The following FSTL4 variants were observed in gnomAD, a reference collection of about 807,000 sequenced individuals.
The protein encoded by FSTL4 is follistatin like 4, also known as follistatin-related protein 4.
In FSTL4, 28 loss-of-function variants were observed where a neutral mutation model predicts 78.2. That is an observed-to-expected ratio of 0.36 (90% CI 0.27 to 0.49). The LOEUF (loss-of-function observed/expected upper bound fraction) is 0.49, where lower values mean the gene tolerates loss of function less well. FSTL4 is among the 20% of genes least tolerant of loss of function. The pLI is 0.98. For synonymous variants in FSTL4, 422 were observed against 440.5 expected, an observed-to-expected ratio of 0.96 and a Z score of 0.53; for missense variants, 922 against 1,084.9, an observed-to-expected ratio of 0.85 and a Z score of 2.11.
chr5:133,794,780 C>A, the FSTL4 span, among the ~76,000 whole-genome samples: 67 of 152,306 alleles, frequency 4.4e-4, no homozygotes, highest in African/African-American at 1.0e-3. Context: ...CACACCACAA[C>A]CATGTCCTCC....
At position 133,547,443 on chromosome 5, in the gene FSTL4, TG is replaced by T. The variant is rs575463776; in HGVS notation, c.160+19742del. On this transcript the variant is annotated intron_variant, in intron 3 of 15. Coordinates refer to ENST00000265342, the MANE Select transcript of FSTL4 (RefSeq NM_015082.2). ...GCATTGTGAGAAGAACATGAAATTC[TG>T]GGGGGCAGGTGTGAAATGCTATGGT... Among the ~76,000 whole-genome samples, 197 of 152,324 alleles carry T rather than the reference TG, an allele frequency of 1.3e-3. 1 individual carries two copies. Among genetic ancestry groups the T allele is most frequent in the African/African-American group, 4.4e-3 (183 of 41,566 alleles).
At chr5:133,709,209 C>T in the FSTL4 span, among the ~76,000 whole-genome samples, 56 of 152,258 alleles carry the variant, frequency 3.7e-4, 1 homozygote, top group Admixed American at 1.1e-3. Flanking sequence ...TTAGAAGGAA[C>T]TAAGAAGATG....
intron 3 of FSTL4, 25 bp from the exon 4 acceptor site, chr5:133,401,011 G>T: frequency 6.2e-7 from 1 of 1,611,848 alleles, no homozygotes. Context: ...AACACAGAGG[G>T]TCAGCTGTAA....
the FSTL4 span, among the ~76,000 whole-genome samples, chr5:133,779,863 G>T: frequency 6.6e-6 from 1 of 152,190 alleles, no homozygotes; most frequent in Non-Finnish European, 1.5e-5. Flanking sequence ...CCTGAGAGGA[G>T]GGGTTCATGT....
At chr5:133,802,548 G>T in the FSTL4 span, among the ~76,000 whole-genome samples, 1 of 152,210 alleles carries the variant, frequency 6.6e-6, no homozygotes, top group Non-Finnish European at 1.5e-5. Context: ...AGCCTTACCA[G>T]AGCTGGGAAA....
chr5:133,409,637 G>T (rs554450279), intron 3 of FSTL4, among the ~76,000 whole-genome samples: 2 of 152,368 alleles, frequency 1.3e-5, no homozygotes, highest in East Asian at 3.9e-4. Flanking sequence ...GCATCAGGCA[G>T]TGTCTGTGGT....
At chr5:133,604,082 AG>A in intron 1 of FSTL4, 89 bp from the exon 2 acceptor site, 3 of 951,644 alleles carry the variant, frequency 3.2e-6, no homozygotes, top group Non-Finnish European at 5.0e-6. Flanking sequence ...CCCCAGAATC[AG>A]ATAAGCCTGG....
chr5:133,372,456 G>A (rs1346261727), intron 4 of FSTL4, among the ~76,000 whole-genome samples: 1 of 152,078 alleles, frequency 6.6e-6, no homozygotes, highest in African/African-American at 2.4e-5. Context: ...CTGGGTCATG[G>A]CCCAAGGCTC....
the FSTL4 span, among the ~76,000 whole-genome samples, chr5:133,620,324 G>A: frequency 6.6e-6 from 1 of 152,186 alleles, no homozygotes; most frequent in African/African-American, 2.4e-5. Flanking sequence ...TGTGGGTGTG[G>A]ATACAGCCTT....
intron 6 of FSTL4, among the ~76,000 whole-genome samples, chr5:133,279,322 G>A (rs1752960059): frequency 6.6e-6 from 1 of 152,188 alleles, no homozygotes; most frequent in South Asian, 2.1e-4. Context: ...GGGGGATTTA[G>A]GTAATGTGCT....
At chr5:133,625,775 T>TATATATTCC in the FSTL4 span, among the ~76,000 whole-genome samples, 1 of 37,608 alleles carries the variant, frequency 2.7e-5, no homozygotes, top group Non-Finnish European at 4.3e-5. Context: ...ATATTCCATA[T>TATATATTCC]ATATATATTC....
At chr5:133,312,798 C>A (rs370478108) in intron 5 of FSTL4, 21 bp from the exon 6 acceptor site, 38 of 1,613,430 alleles carry the variant, frequency 2.4e-5, no homozygotes, top group Non-Finnish European at 3.1e-5. Context: ...AGGAGGAGAA[C>A]AAGGCCAGAA....
chr5:133,643,844 C>T, the FSTL4 span, among the ~76,000 whole-genome samples: 1 of 152,154 alleles, frequency 6.6e-6, no homozygotes, highest in Non-Finnish European at 1.5e-5. Context: ...GCCAGTATTA[C>T]CCCATACGTA....
In FSTL4 at chr5:133,464,664, G is replaced by C. The variant is rs1757665793; in HGVS notation, c.161-63678C>G. Among the ~76,000 whole-genome samples, 2 of 152,222 alleles carry C rather than the reference G, an allele frequency of 1.3e-5. 1 individual carries two copies. The highest frequency in any genetic ancestry group is 1.3e-4 in the Admixed American group (2 of 15,286). On this transcript the variant is annotated intron_variant, in intron 3 of 15. Coordinates refer to ENST00000265342, the MANE Select transcript of FSTL4 (RefSeq NM_015082.2). ...AGGTCAGCCATGAAGGAGGGAGAAA[G>C]CTGCTGCAAGGAAGCCTGGGGAAAA...
intron 3 of FSTL4, among the ~76,000 whole-genome samples, chr5:133,493,795 A>G (rs1425830912): frequency 1.3e-5 from 2 of 152,086 alleles, no homozygotes; most frequent in Non-Finnish European, 2.9e-5. Context: ...AAAAATAAAC[A>G]TTTTCCCCAG....
At chr5:133,365,037 A>AGCCCTCAGAAT (rs1427370543) in intron 4 of FSTL4, among the ~76,000 whole-genome samples, 1 of 152,148 alleles carries the variant, frequency 6.6e-6, no homozygotes, top group East Asian at 1.9e-4. Flanking sequence ...GCCCTCAGAA[A>AGCCCTCAGAAT]GCCCTCTATT....
chr5:133,603,778 A>C, intron 2 of FSTL4, 80 bp downstream of exon 2: 1 of 1,469,740 alleles, frequency 6.8e-7, no homozygotes, highest in Non-Finnish European at 9.5e-7. Context: ...ATCTAAACTA[A>C]AGGTGGAGGG....
chr5:133,744,542 C>T, the FSTL4 span, among the ~76,000 whole-genome samples: 1 of 152,204 alleles, frequency 6.6e-6, no homozygotes, highest in African/African-American at 2.4e-5. Context: ...CACCATTGAG[C>T]AGAGGCAGCT....
At position 133,375,312 on chromosome 5, in the gene FSTL4, A is replaced by ATATATATATATATATATATATATAT. The variant is rs1554109201; in HGVS notation, c.409+25425_409+25426insATATATATATATATATATATATATA. On this transcript the variant is annotated intron_variant, in intron 4 of 15. Transcript: ENST00000265342. ...ATGGCATATATATATATATATATAT[A>ATATATATATATATATATATATATAT]AAAGACTCTAAAGTTACATACCAAA... Among the ~76,000 whole-genome samples, 429 of 134,474 alleles carry ATATATATATATATATATATATATAT rather than the reference A, an allele frequency of 3.2e-3. 4 individuals are homozygous for ATATATATATATATATATATATATAT. The highest frequency in any genetic ancestry group is 7.8e-3 in the Middle Eastern group (2 of 258). The allele number at this position is 134,474 out of a possible 152,430, so 88.2% of individuals were successfully genotyped here.
Sources: gnomAD v4.1 joint callset for allele counts (sites outside exome capture counted in the v4.1 genomes callset) on GRCh38, gnomAD v4.1.1 for gene constraint, MANE v1.5 for transcripts, NCBI Gene and HGNC (gene_info 2026-07-23, HGNC 2026-07-21) for gene names.